The following PCDHGA2 variants were observed in gnomAD, a reference collection of about 807,000 sequenced individuals.
PCDHGA2 encodes protocadherin gamma-A2.
Under a neutral mutation model 59.2 loss-of-function variants are expected in PCDHGA2, and 40 were observed. The ratio of observed to expected loss-of-function variants is 0.68; its 90% CI spans 0.52 to 0.88. The LOEUF is 0.88. Among genes scored for constraint, PCDHGA2 ranks in the 40% least tolerant of loss-of-function variants. The pLI is 0.00. For synonymous variants in PCDHGA2, 560 were observed against 526.0 expected, an observed-to-expected ratio of 1.06 and a Z score of -0.89; for missense variants, 1,226 against 1,204.0, an observed-to-expected ratio of 1.02 and a Z score of -0.27.
intron 1 of PCDHGA2, chr5:141,375,266 G>C: frequency 6.2e-7 from 1 of 1,613,846 alleles, no homozygotes. Flanking sequence ...ATTTGAATTG[G>C]AAAAATCAGT....
chr5:141,441,835 G>A (rs1423189098), intron 1 of PCDHGA2: 9 of 353,636 alleles, frequency 2.5e-5, no homozygotes, highest in Admixed American at 2.1e-4. Flanking sequence ...CAATGGCTTC[G>A]CGCTCTTGGA....
In PCDHGA2 at chr5:141,422,911, G is replaced by C. The variant is rs375046528; in HGVS notation, c.2425-71896G>C. ...GCTGGACCAGAACGACAATGCGCCC[G>C]AGATCCTGTACCCTGCCCTCCCCAC... On this transcript the variant is annotated intron_variant, in intron 1 of 3. Transcript: ENST00000394576. 41 of 1,614,236 alleles carry C rather than the reference G, an allele frequency of 2.5e-5. No individual in the cohort carries two copies. Among genetic ancestry groups the C allele is most frequent in the Non-Finnish European group, 3.2e-5 (38 of 1,180,046 alleles).
intron 1 of PCDHGA2, chr5:141,393,440 C>T (rs777552488): frequency 1.7e-5 from 27 of 1,613,924 alleles, no homozygotes; most frequent in Non-Finnish European, 2.3e-5. Context: ...CTGCTCACCA[C>T]CTGGTCCTCA....
intron 1 of PCDHGA2, chr5:141,376,531 G>T (rs1240526589): frequency 3.7e-6 from 6 of 1,613,608 alleles, no homozygotes; most frequent in Non-Finnish European, 5.1e-6. Context: ...CGCCTAAGCG[G>T]GAAGAGTAAT....
rs2099619316 is a variant in PCDHGA2, at chr5:141,485,794, C to A, written c.2425-9013C>A. The A allele has an allele frequency of 6.2e-7, 1 of 1,614,120 alleles. No homozygotes were observed. The highest frequency in any genetic ancestry group is 1.1e-5 in the South Asian group (1 of 91,092). On this transcript the variant is annotated intron_variant, in intron 1 of 3. Transcript: ENST00000394576. This position sits in a 1 kb window ranked among gnomAD's most constrained non-coding sequence, Gnocchi z 5.7. ...CTTTGGATCGAGAGAAGCAATCGGA[C>A]TACCGCCTGGTGCTGACTGCTGTCG...
chr5:141,473,647 C>T (rs2099326149), intron 1 of PCDHGA2, among the ~76,000 whole-genome samples: 1 of 152,172 alleles, frequency 6.6e-6, no homozygotes, highest in Non-Finnish European at 1.5e-5. Flanking sequence ...GGCAAAGGAA[C>T]AATTTGTGTG....
At chr5:141,383,416 A>G in intron 1 of PCDHGA2, 1 of 1,613,856 alleles carries the variant, frequency 6.2e-7, no homozygotes, top group Non-Finnish European at 8.5e-7. Flanking sequence ...TTACCAGCTC[A>G]GCCCCAATCG....
In PCDHGA2 at chr5:141,487,762, T is replaced by C; in HGVS notation, c.2425-7045T>C. 6.5e-7 allele frequency: 1 copy of C among 1,545,432 alleles called. No homozygotes were observed. The highest frequency in any genetic ancestry group is 8.8e-7 in the Non-Finnish European group (1 of 1,142,332). ...TAAGAGGTAACTATGTGGTAGACGC[T>C]GTGCTTTGTAACTGTTTCGTGAATT... On this transcript the variant is annotated intron_variant, in intron 1 of 3. Coordinates refer to ENST00000394576, the MANE Select transcript of PCDHGA2 (RefSeq NM_018915.4). The surrounding 1 kb of genome is among the most constrained non-coding windows in gnomAD (Gnocchi z 5.0).
chr5:141,467,681 A>G (rs2099148744), intron 1 of PCDHGA2, among the ~76,000 whole-genome samples: 1 of 152,076 alleles, frequency 6.6e-6, no homozygotes, highest in African/African-American at 2.4e-5. Flanking sequence ...TATTTTTTTT[A>G]GACAGGGTCT....
chr5:141,483,009 C>T (rs538900128), intron 1 of PCDHGA2, among the ~76,000 whole-genome samples: 4 of 151,942 alleles, frequency 2.6e-5, no homozygotes, highest in Non-Finnish European at 5.9e-5. Flanking sequence ...TGCTTGAACC[C>T]GGGAGGCAGA....
At chr5:141,413,299 G>T in intron 1 of PCDHGA2, 1 of 1,613,966 alleles carries the variant, frequency 6.2e-7, no homozygotes, top group Non-Finnish European at 8.5e-7. Flanking sequence ...AATTCCTGAG[G>T]AATTAGAGAA....
chr5:141,430,715 A>G (rs1210053402), intron 1 of PCDHGA2: 3 of 1,483,264 alleles, frequency 2.0e-6, no homozygotes, highest in East Asian at 4.7e-5. Context: ...TCCTGACTTC[A>G]GTGGTTAAGG....
intron 1 of PCDHGA2, among the ~76,000 whole-genome samples, chr5:141,402,429 T>C (rs2094263946): frequency 6.6e-6 from 1 of 151,986 alleles, no homozygotes; most frequent in Admixed American, 6.6e-5. Flanking sequence ...AATTGAAGCA[T>C]CATAAAAAGG....
intron 1 of PCDHGA2, chr5:141,375,232 C>G: frequency 6.2e-7 from 1 of 1,613,986 alleles, no homozygotes; most frequent in Non-Finnish European, 8.5e-7. Flanking sequence ...GCCTGGTAAC[C>G]TGTTCCATCC....
chr5:141,363,215 A>G (rs1203436108), intron 1 of PCDHGA2, among the ~76,000 whole-genome samples: 1 of 152,272 alleles, frequency 6.6e-6, no homozygotes, highest in Non-Finnish European at 1.5e-5. Context: ...ATTGAGAAAA[A>G]TCTTACAACC....
intron 1 of PCDHGA2, among the ~76,000 whole-genome samples, chr5:141,461,968 C>A (rs2099027589): frequency 6.6e-6 from 1 of 152,204 alleles, no homozygotes; most frequent in African/African-American, 2.4e-5. Context: ...GGATTCCAGG[C>A]ATATGCCACC....
At chr5:141,415,762 T>G (rs1561760360) in intron 1 of PCDHGA2, 16 of 1,399,878 alleles carry the variant, frequency 1.1e-5, no homozygotes, top group East Asian at 5.3e-5. Flanking sequence ...TTTTTTTTTT[T>G]TTTTTTTTTT....
At chr5:141,345,124 G>A (rs1757522698) in intron 1 of PCDHGA2, 8 of 1,613,886 alleles carry the variant, frequency 5.0e-6, no homozygotes, top group Non-Finnish European at 6.8e-6. Flanking sequence ...ACCGTTGGAA[G>A]AGAAATTGCT....
chr5:141,384,249 C>T (rs886257445), intron 1 of PCDHGA2: 20 of 1,613,790 alleles, frequency 1.2e-5, no homozygotes, highest in Admixed American at 1.7e-5. Flanking sequence ...ATAACCCACC[C>T]ACCTTCCCCC....
Sources: allele counts gnomAD v4.1 joint callset (sites outside exome capture counted in the v4.1 genomes callset), GRCh38; gene constraint gnomAD v4.1.1; non-coding constraint Gnocchi (gnomAD v3.1); transcripts MANE v1.5; gene names NCBI Gene and HGNC (gene_info 2026-07-23, HGNC 2026-07-21).